Variants in TASP1 observed in about 807,000 individuals in gnomAD.
The protein encoded by TASP1 is threonine aspartase 1.
Under a neutral mutation model 56.6 loss-of-function variants are expected in TASP1, and 16 were observed. The ratio of observed to expected loss-of-function variants is 0.28; its 90% CI spans 0.19 to 0.43. The LOEUF (loss-of-function observed/expected upper bound fraction) is 0.43. TASP1 is among the 20% of genes least tolerant of loss of function. The probability of loss-of-function intolerance (pLI) is 1.00; values close to 1 mark genes in which losing one functional copy is unlikely to be tolerated. For missense variants in TASP1, 393 were observed against 511.6 expected (o/e 0.77, Z 2.24); for synonymous variants, 179 against 184.2 (o/e 0.97, Z 0.23).
chr20:13,608,486 C>T (rs1450361229), intron 4 of TASP1, among the ~76,000 whole-genome samples: 1 of 152,178 alleles, frequency 6.6e-6, no homozygotes, highest in Non-Finnish European at 1.5e-5. Context: ...GTTCAGGCCT[C>T]GTGGGCCACA....
chr20:13,302,437 G>A, the TASP1 span, among the ~76,000 whole-genome samples: 5 of 152,104 alleles, frequency 3.3e-5, no homozygotes, highest in South Asian at 4.1e-4. Context: ...AGTGATCTTC[G>A]GAAATCAAGA....
intron 11 of TASP1, among the ~76,000 whole-genome samples, chr20:13,469,720 A>T (rs1236195702): frequency 6.8e-6 from 1 of 148,106 alleles, no homozygotes; most frequent in South Asian, 2.2e-4. Flanking sequence ...AATCAAATTT[A>T]GTGTTAACTC....
chr20:13,455,255 G>A (rs2043787021), intron 11 of TASP1, among the ~76,000 whole-genome samples: 1 of 152,076 alleles, frequency 6.6e-6, no homozygotes, highest in African/African-American at 2.4e-5. Flanking sequence ...TCCTTCATTT[G>A]TATTGGTAAA....
intron 10 of TASP1, among the ~76,000 whole-genome samples, chr20:13,487,374 C>T (rs896132032): frequency 6.6e-6 from 1 of 152,208 alleles, no homozygotes; most frequent in African/African-American, 2.4e-5. Context: ...AACTGTCATT[C>T]TGGCCAGTCC....
intron 4 of TASP1, among the ~76,000 whole-genome samples, chr20:13,588,455 G>A (rs1003127379): frequency 1.3e-5 from 2 of 152,034 alleles, no homozygotes; most frequent in Non-Finnish European, 2.9e-5. Flanking sequence ...AAAAAAATTA[G>A]AATTAATAAG....
chr20:13,426,251 G>T (rs753405647), intron 12 of TASP1, among the ~76,000 whole-genome samples: 13 of 152,224 alleles, frequency 8.5e-5, no homozygotes, highest in Admixed American at 7.8e-4. Context: ...TTATTAAAAC[G>T]CAATTTTATT....
chr20:13,114,288 A>T, the TASP1 span, among the ~76,000 whole-genome samples: 116,873 of 152,188 alleles, frequency 0.77, 45,924 homozygotes, highest in African/African-American at 0.94. Context: ...AGTGTTCTGA[A>T]CTGTATGTTT....
the TASP1 span, among the ~76,000 whole-genome samples, chr20:13,311,202 T>C: frequency 8.6e-6 from 1 of 116,418 alleles, no homozygotes; most frequent in African/African-American, 3.3e-5. Flanking sequence ...CTCAAAAAAA[T>C]AGATATAGAT....
chr20:13,270,615 C>T, the TASP1 span: 1 of 1,614,028 alleles, frequency 6.2e-7, no homozygotes, highest in Admixed American at 1.7e-5. Context: ...CTTCCCCAGA[C>T]CGCGATTCCG....
the TASP1 span, chr20:13,126,857 C>T: frequency 8.2e-7 from 1 of 1,214,378 alleles, no homozygotes; most frequent in South Asian, 1.7e-5. Flanking sequence ...ATGCACAAAA[C>T]TGCCGTTAGC....
At chr20:13,585,432 T>C (rs1348518243) in intron 5 of TASP1, among the ~76,000 whole-genome samples, 1 of 152,128 alleles carries the variant, frequency 6.6e-6, no homozygotes, top group East Asian at 1.9e-4. Flanking sequence ...GGAGAAGATA[T>C]CCATAATACA....
chr20:13,391,916 C>G (rs529631502), intron 13 of TASP1, among the ~76,000 whole-genome samples: 32 of 147,144 alleles, frequency 2.2e-4, no homozygotes, highest in African/African-American at 7.7e-4. Flanking sequence ...TGAAGTGAGC[C>G]GAGATCACGC....
intron 9 of TASP1, among the ~76,000 whole-genome samples, chr20:13,531,407 A>G (rs998220794): frequency 1.2e-4 from 19 of 152,042 alleles, no homozygotes; most frequent in Non-Finnish European, 2.5e-4. Flanking sequence ...TTCCTTTCTC[A>G]TGTCCAAACT....
intron 4 of TASP1, among the ~76,000 whole-genome samples, chr20:13,610,828 C>CT (rs2147435272): frequency 6.6e-6 from 1 of 152,266 alleles, no homozygotes; most frequent in South Asian, 2.1e-4. Flanking sequence ...ATCCAGCCCT[C>CT]ACCTTGAGAA....
chr20:13,302,109 TA>T, the TASP1 span, among the ~76,000 whole-genome samples: 1 of 152,210 alleles, frequency 6.6e-6, no homozygotes, highest in Non-Finnish European at 1.5e-5. Context: ...GAGCCATGTC[TA>T]AGGTATTTTT....
chr20:13,515,083 CAA>C (rs774372791), intron 10 of TASP1, among the ~76,000 whole-genome samples: 4 of 152,114 alleles, frequency 2.6e-5, no homozygotes, highest in Non-Finnish European at 5.9e-5. Context: ...AGCATCTTTT[CAA>C]GTTAGCAGTT....
At chr20:13,314,986 T>A in the TASP1 span, among the ~76,000 whole-genome samples, 1 of 151,960 alleles carries the variant, frequency 6.6e-6, no homozygotes, top group Non-Finnish European at 1.5e-5. Context: ...TAGTTGTAAA[T>A]GTACATTGCA....
chr20:13,317,568 A>G, the TASP1 span, among the ~76,000 whole-genome samples: 1 of 152,146 alleles, frequency 6.6e-6, no homozygotes, highest in African/African-American at 2.4e-5. Flanking sequence ...TAATCAAGAC[A>G]GTGTAGTACT....
chr20:13,173,961 T>C, the TASP1 span, among the ~76,000 whole-genome samples: 1 of 152,182 alleles, frequency 6.6e-6, no homozygotes, highest in Non-Finnish European at 1.5e-5. Flanking sequence ...GTTGTGACCT[T>C]TCAGAATTTT....
Sources: allele counts gnomAD v4.1 joint callset (sites outside exome capture counted in the v4.1 genomes callset), GRCh38; gene constraint gnomAD v4.1.1; transcripts MANE v1.5; gene names NCBI Gene and HGNC (gene_info 2026-07-23, HGNC 2026-07-21).